AGAP1: variants seen among roughly 807,000 people sequenced by gnomAD.
AGAP1 encodes the protein arf-GAP with GTPase, ANK repeat and PH domain-containing protein 1.
A neutral mutation model predicts 105.3 loss-of-function variants in AGAP1; 29 were observed. The ratio of observed to expected loss-of-function variants is 0.28; its 90% confidence interval spans 0.21 to 0.38. The LOEUF (loss-of-function observed/expected upper bound fraction) is 0.38, where lower values mean the gene tolerates loss of function less well. AGAP1 is among the 10% of genes least tolerant of loss of function. The probability of loss-of-function intolerance (pLI) is 1.00; values close to 1 mark genes in which losing one functional copy is unlikely to be tolerated. For missense variants in AGAP1, 998 were observed against 1,165.1 expected (o/e 0.86, Z 2.09); for synonymous variants, 509 against 485.9 (o/e 1.05, Z -0.63).
chr2:235,717,488 T>C (rs184452512), intron 2 of AGAP1, 69 bp from the exon 3 acceptor site: 9 of 1,365,328 alleles, frequency 6.6e-6, no homozygotes, highest in South Asian at 5.2e-5. Flanking sequence ...TATTTTAGCC[T>C]CTTAGTATTT....
chr2:235,673,988 A>C (rs1270775343), intron 1 of AGAP1, among the ~76,000 whole-genome samples: 1 of 152,222 alleles, frequency 6.6e-6, no homozygotes, highest in Non-Finnish European at 1.5e-5. Flanking sequence ...CTGGAGTCTT[A>C]TTTTAAAGCA....
At chr2:235,541,894 C>T (rs940815863) in intron 1 of AGAP1, among the ~76,000 whole-genome samples, 1 of 152,102 alleles carries the variant, frequency 6.6e-6, no homozygotes, top group Non-Finnish European at 1.5e-5. Context: ...TAATGCACGT[C>T]GCTATAGTTC....
Position 235,988,702 on chromosome 2 carries a change from A to AT in AGAP1, c.1645+20086dup, listed in dbSNP as rs1290933955. Among the ~76,000 whole-genome samples, 1 of 151,900 alleles carries AT rather than the reference A, an allele frequency of 6.6e-6. No individual in the cohort carries two copies. The highest frequency in any genetic ancestry group is 1.5e-5 in the Non-Finnish European group (1 of 67,996). On this transcript the variant is annotated intron_variant, in intron 13 of 17. Transcript: ENST00000304032. The surrounding 1 kb of genome is among the most constrained non-coding windows in gnomAD (Gnocchi z 4.7). ...GGAATCTTAAAGACGAGAAATGATTATTTTTTTCCCGCCGACTCCACTCTG... is the reference window on the plus strand; with the variant it reads ...GGAATCTTAAAGACGAGAAATGATTATTTTTTTTCCCGCCGACTCCACTCTG...
rs144860948 is a variant in AGAP1 at position 236,120,390 on chromosome 2, G to C, written c.2313G>C (p.Thr771=). Residue 771 remains threonine (T), a synonymous_variant, in exon 17 of 18, where the codon ACG becomes ACC. Transcript: ENST00000304032. The surrounding 1 kb of genome is among the most constrained non-coding windows in gnomAD (Gnocchi z 6.0). ...CCTGCGGGGAGGGAGACGGCCGCAC[G>C]GCGCTGCATCTGGCCTGCCGCAAGG... ...NETCGEGDGR[T]ALHLACRKGN... is the part of the protein sequence containing the mutation. 3 of 1,611,364 alleles carry C rather than the reference G, an allele frequency of 1.9e-6. No individual in the cohort carries two copies. The African/African-American group carries it at 4.0e-5, about 22-fold the overall frequency.
At chr2:236,102,253 T>TAAAA (rs1304636708) in intron 16 of AGAP1, among the ~76,000 whole-genome samples, 2 of 151,906 alleles carry the variant, frequency 1.3e-5, no homozygotes, top group African/African-American at 2.4e-5. Flanking sequence ...CTGTTTCTAC[T>TAAAA]AAAAATACAA....
chr2:235,880,295 C>T (rs2049948959), intron 9 of AGAP1, among the ~76,000 whole-genome samples: 1 of 152,048 alleles, frequency 6.6e-6, no homozygotes, highest in African/African-American at 2.4e-5. Context: ...AAGAGTGGTG[C>T]AAATCCATCC....
intron 1 of AGAP1, among the ~76,000 whole-genome samples, chr2:235,628,061 C>T (rs2149281893): frequency 6.6e-6 from 1 of 152,220 alleles, no homozygotes; most frequent in Non-Finnish European, 1.5e-5. Context: ...GCAGGCTTCC[C>T]CCCGAAGCAA....
chr2:235,833,858 T>TC (rs1369637730), intron 9 of AGAP1, among the ~76,000 whole-genome samples: 3 of 141,432 alleles, frequency 2.1e-5, no homozygotes, highest in Non-Finnish European at 4.4e-5. Context: ...CAATCTGGTT[T>TC]TTTTTTTTTT....
At chr2:235,648,836 G>A (rs988589110) in intron 1 of AGAP1, among the ~76,000 whole-genome samples, 4 of 151,308 alleles carry the variant, frequency 2.6e-5, no homozygotes, top group African/African-American at 4.9e-5. Flanking sequence ...GCAGTGCGCC[G>A]AGATCGCACC....
chr2:235,774,879 T>C (rs1396904037), intron 6 of AGAP1, among the ~76,000 whole-genome samples: 8 of 152,220 alleles, frequency 5.3e-5, no homozygotes, highest in African/African-American at 1.9e-4. Flanking sequence ...CGCCCATTCA[T>C]TCACCTCCTG....
At chr2:235,670,451 G>T in intron 1 of AGAP1, 2 of 545,218 alleles carry the variant, frequency 3.7e-6, no homozygotes, top group Non-Finnish European at 6.6e-6. Flanking sequence ...CCTGGAACCC[G>T]CGGACCTGGC....
intron 1 of AGAP1, among the ~76,000 whole-genome samples, chr2:235,657,586 T>C (rs1215017511): frequency 6.6e-6 from 1 of 152,174 alleles, no homozygotes; most frequent in Non-Finnish European, 1.5e-5. Context: ...TTCACCATGT[T>C]GGCCAGGCTG....
At chr2:235,568,926 AGGAT>A (rs59100758) in intron 1 of AGAP1, among the ~76,000 whole-genome samples, 54,102 of 151,768 alleles carry the variant, frequency 0.36, 9,970 homozygotes, top group Middle Eastern at 0.48. Flanking sequence ...TTTTCTTAGA[AGGAT>A]GCCTGTGATT....
chr2:236,022,527 CCTA>C (rs2056918247), intron 13 of AGAP1, among the ~76,000 whole-genome samples: 1 of 152,108 alleles, frequency 6.6e-6, no homozygotes, highest in South Asian at 2.1e-4. Context: ...TCCAGGCTTG[CCTA>C]CAGTCTTTGT....
chr2:235,945,664 G>T (rs1559679707), intron 12 of AGAP1, among the ~76,000 whole-genome samples: 1 of 152,038 alleles, frequency 6.6e-6, no homozygotes, highest in Non-Finnish European at 1.5e-5. Context: ...CCTACACAAA[G>T]CTCTTAGATT....
Position 235,586,991 on chromosome 2 carries a change from A to G in AGAP1, c.163+92142A>G, listed in dbSNP as rs1179167842. Reference sequence around the variant, plus strand: ...TTTTGAGTCCCATGAAAACAAACACATTTACTCTGTCTAGCTCCATCTCTA... The same window carrying G: ...TTTTGAGTCCCATGAAAACAAACACGTTTACTCTGTCTAGCTCCATCTCTA... On this transcript the variant is annotated intron_variant, in intron 1 of 17. Coordinates refer to ENST00000304032, the MANE Select transcript of AGAP1 (RefSeq NM_001037131.3). The surrounding 1 kb of genome is among the most constrained non-coding windows in gnomAD (Gnocchi z 4.2). 6.6e-6 allele frequency among the ~76,000 whole-genome samples: 1 copy of G among 152,228 alleles called. No individual in the cohort carries two copies. Among genetic ancestry groups the G allele is most frequent in the African/African-American group, 2.4e-5 (1 of 41,450 alleles).
At position 236,055,890 on chromosome 2, in the gene AGAP1, T is replaced by C. The variant is rs781385174; in HGVS notation, c.2114+6609T>C. On this transcript the variant is annotated intron_variant, in intron 16 of 17. Transcript: ENST00000304032. This position sits in a 1 kb window ranked among gnomAD's most constrained non-coding sequence, Gnocchi z 6.2. The stretch of plus-strand genomic sequence containing the variant: ...GACTGGATGGTCCTCATTAGCACAC[T>C]GCTAAATATGCTTCAGTTTACTAGA... 2.6e-5 allele frequency among the ~76,000 whole-genome samples: 4 copies of C among 152,246 alleles called. No individual in the cohort carries two copies. The highest frequency in any genetic ancestry group is 5.9e-5 in the Non-Finnish European group (4 of 68,036).
rs537019822 is a variant in AGAP1, at chr2:235,958,893, C to T, written c.1484-9569C>T. On this transcript the variant is annotated intron_variant, in intron 12 of 17. Transcript: ENST00000304032. This position sits in a 1 kb window ranked among gnomAD's most constrained non-coding sequence, Gnocchi z 4.1. ...CTTCTTTGACTCATACTTCACGTTCCGAAGCTCGGAGAGACTGCAGATTGT... is the reference window on the plus strand; with the variant it reads ...CTTCTTTGACTCATACTTCACGTTCTGAAGCTCGGAGAGACTGCAGATTGT... Among the ~76,000 whole-genome samples the T allele has an allele frequency of 4.6e-5, 7 of 152,294 alleles. No homozygotes were observed. The highest frequency in any genetic ancestry group is 2.1e-4 in the South Asian group (1 of 4,822).
chr2:235,666,658 G>A (rs1015182417), intron 1 of AGAP1, among the ~76,000 whole-genome samples: 16 of 150,666 alleles, frequency 1.1e-4, no homozygotes, highest in Admixed American at 9.3e-4. Context: ...CTTCTACTCC[G>A]CAGCCCGCAT....
Sources: gnomAD v4.1 joint callset for allele counts (sites outside exome capture counted in the v4.1 genomes callset) on GRCh38, gnomAD v4.1.1 for gene constraint, Gnocchi (gnomAD v3.1) non-coding constraint, MANE v1.5 for transcripts, NCBI Gene and HGNC (gene_info 2026-07-23, HGNC 2026-07-21) for gene names.